The following USP37 variants were observed in gnomAD, a reference collection of about 807,000 sequenced individuals.
The protein encoded by USP37 is ubiquitin specific peptidase 37.
In USP37, 27 loss-of-function variants were observed where a neutral mutation model predicts 124.0. That is an observed-to-expected ratio of 0.22 (90% CI 0.16 to 0.30). The LOEUF (loss-of-function observed/expected upper bound fraction) is 0.30. Among genes scored for constraint, USP37 ranks in the 10% least tolerant of loss-of-function variants. USP37 has a pLI of 1.00. For missense variants in USP37, 889 were observed against 1,140.4 expected, an observed-to-expected ratio of 0.78 and a Z score of 3.17; for synonymous variants, 365 against 388.0, an observed-to-expected ratio of 0.94 and a Z score of 0.70.
intron 1 of USP37, among the ~76,000 whole-genome samples, chr2:218,563,263 G>C (rs983320969): frequency 6.6e-6 from 1 of 151,542 alleles, no homozygotes; most frequent in Admixed American, 6.6e-5. Context: ...TTTAAAATAT[G>C]ATGCACAACA....
chr2:218,510,887 T>A (rs145690235), intron 10 of USP37, among the ~76,000 whole-genome samples: 2 of 152,100 alleles, frequency 1.3e-5, no homozygotes, highest in East Asian at 3.9e-4. Flanking sequence ...CACAGCTACT[T>A]GGGAGGCTGA....
intron 5 of USP37, 69 bp from the exon 6 acceptor site, chr2:218,549,978 T>C (rs1692575561): frequency 2.2e-5 from 25 of 1,162,570 alleles, no homozygotes; most frequent in Non-Finnish European, 2.7e-5. Context: ...GATTTATCAT[T>C]ATTATTTTTA....
In USP37 at chr2:218,454,833, T is replaced by C; in HGVS notation, c.*97A>G. On this transcript the variant is annotated 3_prime_UTR_variant, in exon 26 of 26. Coordinates refer to ENST00000258399, the MANE Select transcript of USP37 (RefSeq NM_020935.3). ...CCCTGAGCTGTTTGTTGCTCCCGCA[T>C]CAAGTAGAATTCCAAATTCTCCTTC... 4 of 1,551,268 alleles carry C rather than the reference T, an allele frequency of 2.6e-6. No homozygotes were observed. The highest frequency in any genetic ancestry group is 3.5e-6 in the Non-Finnish European group (4 of 1,153,462).
rs531437644 is a variant in USP37 at position 218,455,483 on chromosome 2, A to G, written c.2852+97T>C. ...AAAACCAAAAATTTTCAACCAATCA[A>G]CTGATGGAAACATTTTATCCTCAAA... On this transcript the variant is annotated intron_variant, in intron 25 of 25. Coordinates refer to ENST00000258399, the MANE Select transcript of USP37 (RefSeq NM_020935.3). 6.2e-5 allele frequency: 93 copies of G among 1,494,842 alleles called. 2 individuals carry two copies. In the Admixed American group the frequency reaches 1.6e-3, roughly 26 times the overall value. The allele number at this position is 1,494,842 out of a possible 1,614,324, so 92.6% of individuals were successfully genotyped here.
chr2:218,553,759 T>G (rs770563589), intron 4 of USP37, 35 bp from the exon 5 acceptor site: 14 of 1,575,336 alleles, frequency 8.9e-6, no homozygotes, highest in Non-Finnish European at 1.1e-5. Flanking sequence ...TCATCAAAAA[T>G]GTATGACAAC....
At position 218,558,634 on chromosome 2, in the gene USP37, T is replaced by A. The variant is rs774625964; in HGVS notation, c.20A>T (p.His7Leu). MSPLKI[H>L]GPIRIRSMQT... ...CATACTTCGAATTCTGATAGGACCATGTATCTTCAGAGGAGACATATTTTC... is the reference window on the plus strand; with the variant it reads ...CATACTTCGAATTCTGATAGGACCAAGTATCTTCAGAGGAGACATATTTTC... The change falls in exon 4 of 26, where the codon CAT becomes CTT. Residue 7 changes from histidine (H) to leucine (L), a missense_variant. Around this residue, in one of 3 missense-constraint regions of USP37, gnomAD observed 374 missense variants for 386.0 expected, o/e 0.97. Coordinates refer to ENST00000258399, the MANE Select transcript of USP37 (RefSeq NM_020935.3). The A allele has an allele frequency of 2.0e-5, 32 of 1,610,576 alleles. No individual in the cohort carries two copies. Among genetic ancestry groups the A allele is most frequent in the Admixed American group, 3.4e-5 (2 of 59,574 alleles).
chr2:218,463,177 C>T (rs1209360606), intron 22 of USP37, 129 bp downstream of exon 22: 2 of 940 alleles, frequency 2.1e-3, no homozygotes, highest in African/African-American at 5.6e-3. Flanking sequence ...CCACAATAAA[C>T]ACACACACAC....
intron 10 of USP37, among the ~76,000 whole-genome samples, chr2:218,511,993 A>G (rs924574932): frequency 4.6e-5 from 7 of 151,986 alleles, no homozygotes; most frequent in Admixed American, 2.0e-4. Context: ...ATACTTTTCT[A>G]TAAGATTTAC....
intron 10 of USP37, among the ~76,000 whole-genome samples, chr2:218,522,922 T>G (rs918321019): frequency 6.6e-6 from 1 of 151,980 alleles, no homozygotes; most frequent in Non-Finnish European, 1.5e-5. Flanking sequence ...GTGGATCACC[T>G]GAGGTCAGGA....
At chr2:218,517,191 T>C (rs903138797) in intron 10 of USP37, among the ~76,000 whole-genome samples, 1 of 152,234 alleles carries the variant, frequency 6.6e-6, no homozygotes, top group Non-Finnish European at 1.5e-5. Flanking sequence ...CTAGGAACAA[T>C]TTAACTCCAT....
At chr2:218,501,411 A>G (rs916793485) in intron 11 of USP37, among the ~76,000 whole-genome samples, 4 of 152,100 alleles carry the variant, frequency 2.6e-5, no homozygotes, top group Non-Finnish European at 5.9e-5. Flanking sequence ...GGTGATGTCA[A>G]TTTTGAGTAC....
chr2:218,465,285 T>C (rs894613257), intron 21 of USP37, among the ~76,000 whole-genome samples: 7 of 151,906 alleles, frequency 4.6e-5, no homozygotes. Context: ...AAAATAATGC[T>C]GGACTGGGAA....
intron 16 of USP37, among the ~76,000 whole-genome samples, chr2:218,482,775 A>G (rs1013480366): frequency 6.6e-6 from 1 of 152,210 alleles, no homozygotes; most frequent in Non-Finnish European, 1.5e-5. Context: ...AAAAAGCTTT[A>G]CAAAAATTTG....
intron 4 of USP37, among the ~76,000 whole-genome samples, chr2:218,556,891 C>G (rs1219515665): frequency 1.3e-5 from 2 of 151,924 alleles, no homozygotes; most frequent in Non-Finnish European, 2.9e-5. Flanking sequence ...CCCCCAACCA[C>G]CCTGTTTCTT....
intron 11 of USP37, among the ~76,000 whole-genome samples, chr2:218,504,058 G>A (rs1574895375): frequency 6.6e-6 from 1 of 152,232 alleles, no homozygotes; most frequent in Middle Eastern, 3.4e-3. Context: ...ATAACAATAG[G>A]GAGGTCGATT....
intron 9 of USP37, among the ~76,000 whole-genome samples, chr2:218,531,973 A>C (rs1691351388): frequency 6.6e-6 from 1 of 152,244 alleles, no homozygotes; most frequent in South Asian, 2.1e-4. Flanking sequence ...TGGTAAAGAA[A>C]CCATGAATAT....
At chr2:218,524,783 C>T (rs1039878090) in intron 10 of USP37, among the ~76,000 whole-genome samples, 3 of 152,106 alleles carry the variant, frequency 2.0e-5, no homozygotes, top group African/African-American at 4.8e-5. Flanking sequence ...CTAATTTTTG[C>T]ATTTTTAGTA....
chr2:218,529,919 TC>T, intron 10 of USP37, 36 bp downstream of exon 10: 1 of 1,507,118 alleles, frequency 6.6e-7, no homozygotes, highest in South Asian at 1.2e-5. Context: ...AAAAAAGAAC[TC>T]CTAAGTTTTT....
At chr2:218,490,717 G>A (rs1284461186) in intron 14 of USP37, among the ~76,000 whole-genome samples, 2 of 152,148 alleles carry the variant, frequency 1.3e-5, no homozygotes, top group Non-Finnish European at 2.9e-5. Context: ...TTGAGTGTGG[G>A]TAGAACCAAC....
Sources: gnomAD v4.1 joint callset for allele counts (sites outside exome capture counted in the v4.1 genomes callset) on GRCh38, gnomAD v4.1.1 for gene constraint, gnomAD v4.1.1 regional missense constraint, MANE v1.5 for transcripts, NCBI Gene and HGNC (gene_info 2026-07-23, HGNC 2026-07-21) for gene names.